Variants in MYT1L observed in about 807,000 individuals in gnomAD.
MYT1L encodes the protein myelin transcription factor 1-like protein.
MYT1L carries 12 observed loss-of-function variants against 126.7 expected under a neutral mutation model. That is an observed-to-expected ratio of 0.09 (90% CI 0.06 to 0.15). The LOEUF (loss-of-function observed/expected upper bound fraction) is 0.15, where lower values mean the gene tolerates loss of function less well. MYT1L is among the 10% of genes least tolerant of loss of function. MYT1L has a pLI of 1.00. For missense variants in MYT1L, 979 were observed against 1,585.2 expected (o/e 0.62, Z 6.49); for synonymous variants, 541 against 604.2 (o/e 0.90, Z 1.53).
chr2:2,163,221 T>C (rs902705791), intron 3 of MYT1L, among the ~76,000 whole-genome samples: 26 of 152,244 alleles, frequency 1.7e-4, no homozygotes, highest in Middle Eastern at 3.4e-3. Context: ...TCTTTCTACA[T>C]GGGGCTCTGA....
At chr2:1,843,331 C>A (rs2042068142) in intron 19 of MYT1L, among the ~76,000 whole-genome samples, 1 of 152,288 alleles carries the variant, frequency 6.6e-6, no homozygotes, top group African/African-American at 2.4e-5. Context: ...ATTCCTAGCC[C>A]GACGCCTTGC....
rs534490022 is a variant in MYT1L, at chr2:2,286,647, A to C, written c.-520-2144T>G. Among the ~76,000 whole-genome samples, 7 of 152,268 alleles carry C rather than the reference A, an allele frequency of 4.6e-5. No homozygotes were observed. The South Asian group carries it at 8.3e-4, about 18-fold the overall frequency. On this transcript the variant is annotated intron_variant, in intron 1 of 24. Coordinates refer to ENST00000647738, the MANE Select transcript of MYT1L (RefSeq NM_001303052.2). Reference sequence around the variant, plus strand: ...ACTTGCCTATTGCGAGTCAATAATAAATGGTCTAATGGGTTTAAGTGGCCT... The same window carrying C: ...ACTTGCCTATTGCGAGTCAATAATACATGGTCTAATGGGTTTAAGTGGCCT...
At chr2:2,306,453 C>T (rs978597562) in intron 1 of MYT1L, among the ~76,000 whole-genome samples, 1 of 152,170 alleles carries the variant, frequency 6.6e-6, no homozygotes, top group Non-Finnish European at 1.5e-5. Flanking sequence ...CTCCTGGAAT[C>T]TTTATTCCAC....
rs182418474 is a variant in MYT1L, at chr2:2,115,031, C to T, written c.-304+57841G>A. On this transcript the variant is annotated intron_variant, in intron 3 of 24. Transcript: ENST00000647738. ...ACAGCAGAGCGTTCAGGGCTTTACC[C>T]TGGATCTCCCCTCTGCCTGGCACGC... 1.5e-4 allele frequency among the ~76,000 whole-genome samples: 23 copies of T among 152,356 alleles called. No homozygotes were observed. The East Asian group carries it at 4.2e-3, about 28-fold the overall frequency.
At chr2:1,838,764 C>T (rs1056484258) in intron 21 of MYT1L, among the ~76,000 whole-genome samples, 3 of 152,136 alleles carry the variant, frequency 2.0e-5, no homozygotes, top group Non-Finnish European at 2.9e-5. Context: ...CAGGAGCCAC[C>T]GTGCCAAATG....
At chr2:2,294,938 G>C (rs1226907957) in intron 1 of MYT1L, among the ~76,000 whole-genome samples, 5 of 152,144 alleles carry the variant, frequency 3.3e-5, no homozygotes, top group African/African-American at 4.8e-5. Flanking sequence ...TCAATAACGT[G>C]CAGTTAAAAG....
At chr2:1,803,997 G>T (rs2035287161) in intron 22 of MYT1L, among the ~76,000 whole-genome samples, 1 of 152,214 alleles carries the variant, frequency 6.6e-6, no homozygotes, top group South Asian at 2.1e-4. Context: ...GGTTGGGTGG[G>T]AATTCTCCTT....
intron 22 of MYT1L, among the ~76,000 whole-genome samples, chr2:1,805,072 C>T (rs1332101556): frequency 2.0e-5 from 3 of 152,146 alleles, no homozygotes; most frequent in South Asian, 2.1e-4. Flanking sequence ...CTAACAGCCA[C>T]GCCGGCTGCT....
rs909410101 is a variant in MYT1L, at chr2:1,807,841, T to G, written c.3172+1235A>C. Among the ~76,000 whole-genome samples, 6 of 152,302 alleles carry G rather than the reference T, an allele frequency of 3.9e-5. No individual in the cohort carries two copies. In the East Asian group the frequency reaches 7.7e-4, roughly 20 times the overall value. ...AAAAACCCTGTTAATATGGTTTGGCTGTGTCCCCACCCAAATCTCATCTTG... is the reference window on the plus strand; with the variant it reads ...AAAAACCCTGTTAATATGGTTTGGCGGTGTCCCCACCCAAATCTCATCTTG... On this transcript the variant is annotated intron_variant, in intron 22 of 24. Transcript: ENST00000647738.
At chr2:1,980,333 C>CAT (rs771873170) in intron 5 of MYT1L, among the ~76,000 whole-genome samples, 15 of 147,644 alleles carry the variant, frequency 1.0e-4, no homozygotes, top group East Asian at 2.0e-4. Flanking sequence ...TACACACACA[C>CAT]ATATATATAT....
At chr2:2,176,927 T>C (rs1388961846) in intron 2 of MYT1L, among the ~76,000 whole-genome samples, 1 of 152,224 alleles carries the variant, frequency 6.6e-6, no homozygotes, top group African/African-American at 2.4e-5. Flanking sequence ...AGACATCACA[T>C]GAATAATCTA....
chr2:1,919,479 G>A (rs2053283288), intron 10 of MYT1L, among the ~76,000 whole-genome samples: 1 of 152,204 alleles, frequency 6.6e-6, no homozygotes, highest in Non-Finnish European at 1.5e-5. Flanking sequence ...CAATTGGGTA[G>A]ATGACAGAGG....
chr2:1,859,625 A>G (rs2044323859), intron 18 of MYT1L, among the ~76,000 whole-genome samples: 1 of 152,210 alleles, frequency 6.6e-6, no homozygotes, highest in African/African-American at 2.4e-5. Flanking sequence ...ACCAGAACAC[A>G]CCTAAGTTTA....
At chr2:1,834,752 A>C (rs2040603639) in intron 21 of MYT1L, among the ~76,000 whole-genome samples, 1 of 152,212 alleles carries the variant, frequency 6.6e-6, no homozygotes, top group Non-Finnish European at 1.5e-5. Context: ...TCAGTTCCAC[A>C]ACAGTGTGAA....
At chr2:2,295,589 C>CAGACAGAGAGAGAGAGAGAGAGAGAG (rs2095664465) in intron 1 of MYT1L, among the ~76,000 whole-genome samples, 1 of 40,300 alleles carries the variant, frequency 2.5e-5, no homozygotes, top group African/African-American at 8.8e-5. Context: ...GAGAGACAGA[C>CAGACAGAGAGAGAGAGAGAGAGAGAG]AGACAGAGAG....
intron 23 of MYT1L, chr2:1,795,735 G>A (rs2033333416): frequency 6.6e-6 from 1 of 152,232 alleles, no homozygotes; most frequent in Admixed American, 6.5e-5. Flanking sequence ...TCTGACGAAG[G>A]TGGGTTCTGT....
In MYT1L at chr2:1,887,991, G is replaced by C. The variant is rs893650881; in HGVS notation, c.2521-382C>G. On this transcript the variant is annotated intron_variant, in intron 16 of 24. Coordinates refer to ENST00000647738, the MANE Select transcript of MYT1L (RefSeq NM_001303052.2). This position sits in a 1 kb window ranked among gnomAD's most constrained non-coding sequence, Gnocchi z 4.8. ...ACTTGCCTGCAAAGATTCAACACTG[G>C]AACTACAGTGTCTTAGGGCTGAGCT... Among the ~76,000 whole-genome samples the C allele has an allele frequency of 1.3e-5, 2 of 152,172 alleles. No individual in the cohort carries two copies. The highest frequency in any genetic ancestry group is 1.3e-4 in the Admixed American group (2 of 15,280).
chr2:2,130,211 G>A (rs974270756), intron 3 of MYT1L, among the ~76,000 whole-genome samples: 8 of 151,932 alleles, frequency 5.3e-5, no homozygotes, highest in East Asian at 3.9e-4. Flanking sequence ...GTAGCAGCAC[G>A]AGGAGCTGAG....
At chr2:1,855,524 CAG>C (rs2043804475) in intron 18 of MYT1L, among the ~76,000 whole-genome samples, 1 of 152,220 alleles carries the variant, frequency 6.6e-6, no homozygotes, top group African/African-American at 2.4e-5. Flanking sequence ...TGCTGGGGAG[CAG>C]AGTGGGGTTG....
Sources: allele counts gnomAD v4.1 joint callset (sites outside exome capture counted in the v4.1 genomes callset), GRCh38; gene constraint gnomAD v4.1.1; non-coding constraint Gnocchi (gnomAD v3.1); transcripts MANE v1.5; gene names NCBI Gene and HGNC (gene_info 2026-07-23, HGNC 2026-07-21).